Variants in ACBD6 observed in about 807,000 individuals in gnomAD.
ACBD6 encodes acyl-CoA-binding domain-containing protein 6.
ACBD6 carries 28 observed loss-of-function variants against 37.2 expected under a neutral mutation model. The ratio of observed to expected loss-of-function variants is 0.75; its 90% CI spans 0.56 to 1.03. ACBD6 has a LOEUF of 1.03. Among genes scored for constraint, ACBD6 ranks in the 50% least tolerant of loss-of-function variants. The pLI is 0.00. For synonymous variants in ACBD6, 113 were observed against 126.8 expected, an observed-to-expected ratio of 0.89 and a Z score of 0.73; for missense variants, 340 against 337.4, an observed-to-expected ratio of 1.01 and a Z score of -0.06.
chr1:180,437,840 AG>A (rs1280080077), intron 3 of ACBD6, among the ~76,000 whole-genome samples: 1 of 152,168 alleles, frequency 6.6e-6, no homozygotes, highest in African/African-American at 2.4e-5. Context: ...ATAAAGACAA[AG>A]GAAGTGAAGA....
chr1:180,458,490 T>A lies in ACBD6; in HGVS notation c.385-28228A>T, dbSNP rs377522992. Among the ~76,000 whole-genome samples, 3 of 152,072 alleles carry A rather than the reference T, an allele frequency of 2.0e-5. No individual in the cohort carries two copies. The East Asian group carries it at 5.8e-4, about 29-fold the overall frequency. On this transcript the variant is annotated intron_variant, in intron 3 of 7. Transcript: ENST00000367595. ...AAGAAACAATATAAGACAAATAAGATCAAATATTAAAACATTTGCCATAAA... is the reference window on the plus strand; with the variant it reads ...AAGAAACAATATAAGACAAATAAGAACAAATATTAAAACATTTGCCATAAA...
chr1:180,397,035 C>T (rs1227367652), intron 6 of ACBD6, among the ~76,000 whole-genome samples: 1 of 152,114 alleles, frequency 6.6e-6, no homozygotes, highest in African/African-American at 2.4e-5. Flanking sequence ...TGCCAAAAGA[C>T]AGAAACAACT....
At chr1:180,447,252 T>C (rs1337582333) in intron 3 of ACBD6, among the ~76,000 whole-genome samples, 1 of 152,184 alleles carries the variant, frequency 6.6e-6, no homozygotes, top group Non-Finnish European at 1.5e-5. Flanking sequence ...ACACATTTTT[T>C]AAAGATTAAA....
At chr1:180,329,175 C>A (rs1057151637) in intron 6 of ACBD6, among the ~76,000 whole-genome samples, 3 of 152,156 alleles carry the variant, frequency 2.0e-5, no homozygotes, top group African/African-American at 7.2e-5. Flanking sequence ...ATTTCTGGCA[C>A]CAAGTAAATG....
chr1:180,370,445 G>A (rs763247616), intron 6 of ACBD6, among the ~76,000 whole-genome samples: 6 of 152,084 alleles, frequency 3.9e-5, no homozygotes, highest in Non-Finnish European at 8.8e-5. Context: ...TTACACAAGA[G>A]ACCACTAGGA....
At chr1:180,328,919 T>C (rs1651366886) in intron 6 of ACBD6, among the ~76,000 whole-genome samples, 2 of 152,146 alleles carry the variant, frequency 1.3e-5, no homozygotes, top group South Asian at 4.1e-4. Context: ...ACAATGTAGA[T>C]ACAGTAACAT....
chr1:180,431,931 TGCAA>T (rs1648827606), intron 3 of ACBD6, among the ~76,000 whole-genome samples: 2 of 152,146 alleles, frequency 1.3e-5, no homozygotes, highest in African/African-American at 4.8e-5. Flanking sequence ...ACAGGCCAGG[TGCAA>T]TGGCTCACAC....
In ACBD6 at chr1:180,289,038, T is replaced by TAA. The variant is rs11353397; in HGVS notation, c.695-523_695-522dup. On this transcript the variant is annotated intron_variant, in intron 7 of 7. Coordinates refer to ENST00000367595, the MANE Select transcript of ACBD6 (RefSeq NM_032360.4). ...AATCAGACCATTCTTCTACAGGAAC[T>TAA]AAAAAAAAAAAAAAAAAAAGGCACC... Among the ~76,000 whole-genome samples, 55 of 102,940 alleles carry TAA rather than the reference T, an allele frequency of 5.3e-4. 1 individual carries two copies. Among genetic ancestry groups the TAA allele is most frequent in the African/African-American group, 1.8e-3 (51 of 27,628 alleles). 67.5% of individuals were successfully genotyped at this position (102,940 alleles called of 152,430 possible). A position where few individuals can be genotyped will look rare whatever the true frequency, so the allele number is the denominator to read the frequency against.
At chr1:180,340,246 A>G (rs534568503) in intron 6 of ACBD6, among the ~76,000 whole-genome samples, 1 of 152,292 alleles carries the variant, frequency 6.6e-6, no homozygotes, top group East Asian at 1.9e-4. Context: ...GGTTGTGAGC[A>G]GAGGAATAGC....
chr1:180,414,141 AT>A (rs997363895), intron 4 of ACBD6, among the ~76,000 whole-genome samples: 3 of 152,216 alleles, frequency 2.0e-5, no homozygotes, highest in East Asian at 3.8e-4. Context: ...AATGTACAGA[AT>A]TATCTTTATA....
At chr1:180,378,335 G>A (rs577236038) in intron 6 of ACBD6, among the ~76,000 whole-genome samples, 3 of 152,190 alleles carry the variant, frequency 2.0e-5, no homozygotes, top group East Asian at 1.9e-4. Context: ...AACGACTAAG[G>A]AACTGAATAA....
intron 5 of ACBD6, among the ~76,000 whole-genome samples, chr1:180,412,361 T>C (rs1647897122): frequency 6.6e-6 from 1 of 152,332 alleles, no homozygotes; most frequent in East Asian, 1.9e-4. Context: ...TATAAGTTGA[T>C]TATTATCTAT....
At chr1:180,342,187 T>C (rs1652007824) in intron 6 of ACBD6, among the ~76,000 whole-genome samples, 1 of 152,108 alleles carries the variant, frequency 6.6e-6, no homozygotes. Flanking sequence ...AATTACAGAA[T>C]TGACTGGCAA....
At chr1:180,384,136 A>T (rs1653759751) in intron 6 of ACBD6, among the ~76,000 whole-genome samples, 1 of 93,898 alleles carries the variant, frequency 1.1e-5, no homozygotes, top group South Asian at 2.6e-4. Flanking sequence ...GCAGAGATTA[A>T]AAAAAAAAAA....
intron 6 of ACBD6, among the ~76,000 whole-genome samples, chr1:180,395,166 C>T (rs1654211824): frequency 6.6e-6 from 1 of 152,092 alleles, no homozygotes. Flanking sequence ...AATTATGATA[C>T]ATTCTCCTGG....
chr1:180,333,868 A>C lies in ACBD6; in HGVS notation c.664-19146T>G, dbSNP rs549551017. On this transcript the variant is annotated intron_variant, in intron 6 of 7. Transcript: ENST00000367595. ...AGCAAACAGCACACCAGGAGATTAT[A>C]TCCCGTGCCTGGCTCAGAGGGTCCT... is the stretch of plus-strand genomic sequence containing the variant. Among the ~76,000 whole-genome samples, 64 of 152,366 alleles carry C rather than the reference A, an allele frequency of 4.2e-4. 1 individual carries two copies. The highest frequency in any genetic ancestry group is 1.4e-3 in the African/African-American group (58 of 41,588).
At chr1:180,430,303 G>C in intron 3 of ACBD6, 41 bp from the exon 4 acceptor site, 1 of 1,490,918 alleles carries the variant, frequency 6.7e-7, no homozygotes, top group East Asian at 2.3e-5. Flanking sequence ...AGACAAATGG[G>C]TTAAAACAAT....
At chr1:180,482,190 A>T (rs1651078236) in intron 3 of ACBD6, among the ~76,000 whole-genome samples, 1 of 152,188 alleles carries the variant, frequency 6.6e-6, no homozygotes, top group Non-Finnish European at 1.5e-5. Context: ...AGTATAAACA[A>T]CAGGTATAAA....
At chr1:180,470,580 A>G (rs912543647) in intron 3 of ACBD6, among the ~76,000 whole-genome samples, 1 of 152,266 alleles carries the variant, frequency 6.6e-6, no homozygotes, top group Non-Finnish European at 1.5e-5. Context: ...AAAACAGCAC[A>G]TACTTAAACT....
Sources: gnomAD v4.1 joint callset for allele counts (sites outside exome capture counted in the v4.1 genomes callset) on GRCh38, gnomAD v4.1.1 for gene constraint, MANE v1.5 for transcripts, NCBI Gene and HGNC (gene_info 2026-07-23, HGNC 2026-07-21) for gene names.